The following SRFBP1 variants were observed in gnomAD, a reference collection of about 807,000 sequenced individuals.
The protein encoded by SRFBP1 is serum response factor binding protein 1, also known as serum response factor-binding protein 1.
In SRFBP1, 47 loss-of-function variants were observed where a neutral mutation model predicts 45.5. That is an observed-to-expected ratio of 1.03 (90% CI 0.82 to 1.32). SRFBP1 has a LOEUF of 1.32. SRFBP1 is among the 40% of genes most tolerant of loss of function. The pLI is 0.00. For synonymous variants in SRFBP1, 203 were observed against 166.3 expected (o/e 1.22, Z -1.70); for missense variants, 621 against 484.6 (o/e 1.28, Z -2.64).
At chr5:121,987,479 C>T (rs1410715333) in intron 3 of SRFBP1, among the ~76,000 whole-genome samples, 1 of 152,084 alleles carries the variant, frequency 6.6e-6, no homozygotes, top group Non-Finnish European at 1.5e-5. Context: ...TTTTTGTTGT[C>T]ACTGAAAGGT....
chr5:122,066,690 C>A, intron 2 of SRFBP1: 1 of 1,497,478 alleles, frequency 6.7e-7, no homozygotes, highest in African/African-American at 1.4e-5. Flanking sequence ...CTATTTTTTC[C>A]CACTTCAGAA....
Position 121,986,366 on chromosome 5 carries a change from A to G in SRFBP1, c.199-8233A>G, listed in dbSNP as rs79756820. On this transcript the variant is annotated intron_variant, in intron 3 of 7. Transcript: ENST00000339397. The stretch of plus-strand genomic sequence containing the variant: ...ATTGATGTAATTGGGACAAAAGCCA[A>G]TGAAGTGAGTTGGAGAGAAAAATAA... 5.2e-3 allele frequency among the ~76,000 whole-genome samples: 785 copies of G among 152,160 alleles called. 20 individuals carry two copies. In the East Asian group the frequency reaches 0.053, roughly 10 times the overall value.
chr5:121,987,588 A>C (rs1752542721), intron 3 of SRFBP1, among the ~76,000 whole-genome samples: 1 of 152,160 alleles, frequency 6.6e-6, no homozygotes, highest in Non-Finnish European at 1.5e-5. Flanking sequence ...GAAATGACTC[A>C]TTTTCAAATA....
intron 4 of SRFBP1, among the ~76,000 whole-genome samples, chr5:121,995,897 A>T (rs558907614): frequency 5.4e-4 from 83 of 152,300 alleles, no homozygotes; most frequent in African/African-American, 2.0e-3. Flanking sequence ...CTACGCAAAT[A>T]AATTAGAAAA....
chr5:122,056,497 C>G (rs1442396831), intron 2 of SRFBP1, among the ~76,000 whole-genome samples: 1 of 152,162 alleles, frequency 6.6e-6, no homozygotes. Context: ...TAACCATTAT[C>G]AATCTTTTAG....
intron 4 of SRFBP1, among the ~76,000 whole-genome samples, chr5:122,009,992 C>G (rs1753057508): frequency 6.6e-6 from 1 of 152,134 alleles, no homozygotes; most frequent in African/African-American, 2.4e-5. Context: ...ACCTTCCCTT[C>G]CCACTAACTC....
At chr5:122,021,668 CTTTTTTT>C (rs912072262) in intron 6 of SRFBP1, among the ~76,000 whole-genome samples, 2 of 96,954 alleles carry the variant, frequency 2.1e-5, no homozygotes, top group East Asian at 2.9e-4. Flanking sequence ...AAATATAAAT[CTTTTTTT>C]TTTTTTTTTT....
chr5:121,977,312 G>A (rs1372374200), intron 3 of SRFBP1, among the ~76,000 whole-genome samples: 3 of 151,900 alleles, frequency 2.0e-5, no homozygotes, highest in Non-Finnish European at 4.4e-5. Context: ...TGAGTTTGTG[G>A]CAGGAGTTAG....
At chr5:122,059,066 G>T (rs1580549653) in intron 2 of SRFBP1, among the ~76,000 whole-genome samples, 2 of 152,124 alleles carry the variant, frequency 1.3e-5, no homozygotes, top group South Asian at 4.1e-4. Context: ...TAGTTAAATT[G>T]TGAAAACCTA....
intron 4 of SRFBP1, 106 bp downstream of exon 4, chr5:121,994,776 T>C (rs751069473): frequency 1.4e-6 from 1 of 698,824 alleles, no homozygotes; most frequent in East Asian, 3.0e-5. Context: ...TATTAGTTTG[T>C]AATTAGTTTT....
chr5:122,077,819 C>G, downstream of SRFBP1: 1 of 1,551,908 alleles, frequency 6.4e-7, no homozygotes, highest in Non-Finnish European at 8.7e-7. The surrounding 1 kb of genome is among the most constrained non-coding windows in gnomAD (Gnocchi z 4.9). Context: ...GCTCAGCAAG[C>G]TGAACACCTG....
intron 4 of SRFBP1, among the ~76,000 whole-genome samples, chr5:121,999,749 A>C (rs183753693): frequency 1.4e-3 from 214 of 152,006 alleles, no homozygotes; most frequent in African/African-American, 4.3e-3. Flanking sequence ...AATTTATATC[A>C]CTGCTTTAGC....
intron 1 of SRFBP1, among the ~76,000 whole-genome samples, chr5:121,970,201 G>A (rs1752157977): frequency 6.6e-6 from 1 of 152,108 alleles, no homozygotes; most frequent in Non-Finnish European, 1.5e-5. Flanking sequence ...TAAGTCTTAA[G>A]TATATGAGGT....
Position 122,020,714 on chromosome 5 carries a change from A to G in SRFBP1, c.979A>G (p.Arg327Gly). The G allele has an allele frequency of 6.2e-7, 1 of 1,612,538 alleles. No individual in the cohort carries two copies. The highest frequency in any genetic ancestry group is 8.5e-7 in the Non-Finnish European group (1 of 1,179,658). Residue 327 changes from arginine to glycine, a missense_variant, in exon 6 of 8, where the codon AGA becomes GGA. Transcript: ENST00000339397. Reference sequence around the variant, plus strand: ...TACAGGTGAAACTCATGGGGATACAAGAAATGACAAAATCAAGCCAAGTAC... The same window carrying G: ...TACAGGTGAAACTCATGGGGATACAGGAAATGACAAAATCAAGCCAAGTAC... ...EDTGETHGDTRNDKIKPSTET... is the reference protein window; with the variant it reads ...EDTGETHGDTGNDKIKPSTET...
chr5:121,965,707 T>C (rs1022958718), intron 1 of SRFBP1, among the ~76,000 whole-genome samples: 1 of 152,172 alleles, frequency 6.6e-6, no homozygotes, highest in Non-Finnish European at 1.5e-5. Context: ...TTTAAAGTAG[T>C]TTTTTCCAAT....
chr5:121,994,669 A>C lies in SRFBP1; in HGVS notation c.269A>C (p.Lys90Thr), dbSNP rs569764527. The C allele has an allele frequency of 3.1e-5, 49 of 1,572,942 alleles. No homozygotes were observed. In the South Asian group the frequency reaches 5.2e-4, roughly 17 times the overall value. ...ATCAACTTTGAAAAAATCTTCAAAA[A>C]GGTATATCTGCAATAGATTATATTT... Reference protein sequence around the residue: ...DDINFEKIFKKPDSTATERAI... With the variant: ...DDINFEKIFKTPDSTATERAI... The change falls in exon 4 of 8, where the codon AAG becomes ACG. Residue 90 changes from lysine (K) to threonine (T), a missense_variant and splice_region_variant. Physicochemically the swap from Lys to Thr is moderately conservative, Grantham distance 78. Coordinates refer to ENST00000339397, the MANE Select transcript of SRFBP1 (RefSeq NM_152546.3).
chr5:121,975,603 C>G (rs933349725), intron 3 of SRFBP1, among the ~76,000 whole-genome samples: 7 of 151,968 alleles, frequency 4.6e-5, no homozygotes, highest in African/African-American at 1.4e-4. Flanking sequence ...AAGTGCTAGG[C>G]TAATTTGAGT....
rs1331712731 is a variant in SRFBP1, at chr5:122,028,603, T to C, written c.*1477T>C. 1 of 143,338 alleles carries C rather than the reference T, an allele frequency of 7.0e-6. No individual in the cohort carries two copies. Among genetic ancestry groups the C allele is most frequent in the Admixed American group, 6.8e-5 (1 of 14,604 alleles). 8.9% of individuals were successfully genotyped at this position (143,338 alleles called of 1,614,324 possible). A position where few individuals can be genotyped will look rare whatever the true frequency, so the allele number is the denominator to read the frequency against. ...GCCTGGGTGACAGAGTATGACTGTC[T>C]CAAAAAAAAAAAAAAATTTGATAAA... On this transcript the variant is annotated 3_prime_UTR_variant, in exon 8 of 8. Coordinates refer to ENST00000339397, the MANE Select transcript of SRFBP1 (RefSeq NM_152546.3).
At chr5:122,051,613 G>GT (rs1753982482) in intron 2 of SRFBP1, among the ~76,000 whole-genome samples, 2 of 150,830 alleles carry the variant, frequency 1.3e-5, no homozygotes, top group African/African-American at 4.9e-5. Context: ...TACTTGGTAG[G>GT]TTTTTTTCCA....
Sources: gnomAD v4.1 joint callset for allele counts (sites outside exome capture counted in the v4.1 genomes callset) on GRCh38, gnomAD v4.1.1 for gene constraint, Gnocchi (gnomAD v3.1) non-coding constraint, MANE v1.5 for transcripts, NCBI Gene and HGNC (gene_info 2026-07-23, HGNC 2026-07-21) for gene names.